The following TASP1 variants were observed in gnomAD, a reference collection of about 807,000 sequenced individuals.
TASP1 encodes the protein threonine aspartase 1.
A neutral mutation model predicts 56.6 loss-of-function variants in TASP1; 16 were observed. The ratio of observed to expected loss-of-function variants is 0.28; its 90% CI spans 0.19 to 0.43. The LOEUF (loss-of-function observed/expected upper bound fraction) is 0.43. Among genes scored for constraint, TASP1 ranks in the 20% least tolerant of loss-of-function variants. The pLI is 1.00. For synonymous variants in TASP1, 179 were observed against 184.2 expected, an observed-to-expected ratio of 0.97 and a Z score of 0.23; for missense variants, 393 against 511.6, an observed-to-expected ratio of 0.77 and a Z score of 2.24.
chr20:13,161,254 T>C, the TASP1 span, among the ~76,000 whole-genome samples: 3 of 152,260 alleles, frequency 2.0e-5, no homozygotes, highest in East Asian at 5.8e-4. Flanking sequence ...TGAGATAAGG[T>C]ATACAGTAAG....
chr20:13,588,927 T>G (rs993513460), intron 4 of TASP1, among the ~76,000 whole-genome samples: 1 of 152,066 alleles, frequency 6.6e-6, no homozygotes, highest in Non-Finnish European at 1.5e-5. Context: ...CAGTGTAATA[T>G]AGACATATAG....
chr20:13,499,079 G>T (rs529876763), intron 10 of TASP1, among the ~76,000 whole-genome samples: 1 of 152,206 alleles, frequency 6.6e-6, no homozygotes, highest in African/African-American at 2.4e-5. Flanking sequence ...GCATATTAAT[G>T]GTGGATTAAA....
At chr20:13,259,446 A>G in the TASP1 span, among the ~76,000 whole-genome samples, 3 of 152,232 alleles carry the variant, frequency 2.0e-5, no homozygotes, top group Non-Finnish European at 1.5e-5. Context: ...AAACTGTCCA[A>G]ATAAAATTTT....
the TASP1 span, among the ~76,000 whole-genome samples, chr20:13,354,995 A>G: frequency 1.1e-3 from 160 of 152,320 alleles, no homozygotes; most frequent in African/African-American, 3.7e-3. Flanking sequence ...AACCATGTTT[A>G]TCAATCATAA....
chr20:13,205,019 C>A, the TASP1 span, among the ~76,000 whole-genome samples: 68,696 of 151,850 alleles, frequency 0.45, 17,204 homozygotes, highest in African/African-American at 0.68. Context: ...TTGCCTCTTA[C>A]CAAAAGGGGC....
At chr20:13,612,650 T>C (rs751627005) in intron 4 of TASP1, among the ~76,000 whole-genome samples, 12 of 152,184 alleles carry the variant, frequency 7.9e-5, no homozygotes, top group Non-Finnish European at 1.6e-4. Flanking sequence ...ATAAATCAGA[T>C]AACCAGCCCC....
chr20:13,239,238 G>A, the TASP1 span: 2 of 152,248 alleles, frequency 1.3e-5, no homozygotes, highest in Admixed American at 1.3e-4. Flanking sequence ...TCGAAGTTCT[G>A]TTCCAGGTTC....
the TASP1 span, among the ~76,000 whole-genome samples, chr20:13,248,984 GTTTATC>G: frequency 1.3e-5 from 2 of 152,208 alleles, no homozygotes; most frequent in Non-Finnish European, 2.9e-5. Context: ...AGAAAAAGCT[GTTTATC>G]TTTAGGTAAG....
At chr20:13,159,377 T>A in the TASP1 span, among the ~76,000 whole-genome samples, 1 of 152,160 alleles carries the variant, frequency 6.6e-6, no homozygotes, top group African/African-American at 2.4e-5. Context: ...GCATGTTCAT[T>A]CACATATGAA....
chr20:13,528,374 A>T, intron 10 of TASP1, 59 bp downstream of exon 10: 1 of 1,463,672 alleles, frequency 6.8e-7, no homozygotes, highest in Non-Finnish European at 9.5e-7. Context: ...ATTGCTTTTA[A>T]TCATTAAATG....
chr20:13,195,501 C>T, the TASP1 span, among the ~76,000 whole-genome samples: 4 of 152,154 alleles, frequency 2.6e-5, no homozygotes, highest in Admixed American at 2.6e-4. Context: ...TCCTTGCTTC[C>T]GAGATGGGAT....
At chr20:13,133,880 C>G in the TASP1 span, among the ~76,000 whole-genome samples, 1 of 152,198 alleles carries the variant, frequency 6.6e-6, no homozygotes, top group African/African-American at 2.4e-5. Context: ...CTAACAACCC[C>G]CACCTGGCAA....
At chr20:13,305,834 T>C in the TASP1 span, among the ~76,000 whole-genome samples, 1 of 152,216 alleles carries the variant, frequency 6.6e-6, no homozygotes. Context: ...AATGCATACC[T>C]TTTTTCTTTT....
At chr20:13,106,120 A>G in the TASP1 span, among the ~76,000 whole-genome samples, 15 of 152,238 alleles carry the variant, frequency 9.9e-5, no homozygotes, top group African/African-American at 3.6e-4. Flanking sequence ...AAAACAAAAC[A>G]AAAGATACCA....
the TASP1 span, among the ~76,000 whole-genome samples, chr20:13,369,291 C>T: frequency 6.6e-6 from 1 of 152,226 alleles, no homozygotes; most frequent in Non-Finnish European, 1.5e-5. Context: ...ATCAAAAATA[C>T]AAAAATTAGC....
At chr20:13,281,734 C>T in the TASP1 span, among the ~76,000 whole-genome samples, 8 of 152,130 alleles carry the variant, frequency 5.3e-5, no homozygotes, top group Admixed American at 2.0e-4. Flanking sequence ...AAAAGATCAG[C>T]GCCACTGAGT....
intron 12 of TASP1, among the ~76,000 whole-genome samples, chr20:13,432,374 A>G (rs912232526): frequency 3.9e-5 from 6 of 152,202 alleles, no homozygotes; most frequent in Non-Finnish European, 7.3e-5. Flanking sequence ...CCAGAACCAA[A>G]GACTGACTGG....
chr20:13,619,327 C>A (rs895372286), intron 4 of TASP1, among the ~76,000 whole-genome samples: 1 of 152,188 alleles, frequency 6.6e-6, no homozygotes. Flanking sequence ...AGTTTTCTCA[C>A]AAAAGATTAT....
intron 12 of TASP1, among the ~76,000 whole-genome samples, chr20:13,426,631 T>C (rs2042627315): frequency 6.6e-6 from 1 of 152,224 alleles, no homozygotes; most frequent in Non-Finnish European, 1.5e-5. Flanking sequence ...AATATCTTTG[T>C]ATTATAAAAC....
Sources: allele counts gnomAD v4.1 joint callset (sites outside exome capture counted in the v4.1 genomes callset), GRCh38; gene constraint gnomAD v4.1.1; transcripts MANE v1.5; gene names NCBI Gene and HGNC (gene_info 2026-07-23, HGNC 2026-07-21).